Variants in ODR4 observed in about 807,000 individuals in gnomAD.
The protein encoded by ODR4 is protein odr-4 homolog.
In ODR4, 47 loss-of-function variants were observed where a neutral mutation model predicts 60.2. That is an observed-to-expected ratio of 0.78 (90% confidence interval 0.62 to 1.00). The LOEUF is 1.00. ODR4 is among the 50% of genes least tolerant of loss of function. ODR4 has a pLI of 0.00. For synonymous variants in ODR4, 178 were observed against 175.5 expected, an observed-to-expected ratio of 1.01 and a Z score of -0.11; for missense variants, 488 against 530.8, an observed-to-expected ratio of 0.92 and a Z score of 0.79.
chr1:186,411,533 A>G (rs1207263710), intron 12 of ODR4, among the ~76,000 whole-genome samples: 1 of 151,954 alleles, frequency 6.6e-6, no homozygotes, highest in East Asian at 1.9e-4. Context: ...GTTTTTATTT[A>G]TATATATAGT....
chr1:186,396,009 G>A (rs913903774), intron 9 of ODR4, among the ~76,000 whole-genome samples: 1 of 151,996 alleles, frequency 6.6e-6, no homozygotes, highest in Non-Finnish European at 1.5e-5. Context: ...TTAAAGCTCT[G>A]TATTTCCTGA....
At chr1:186,403,306 T>C (rs758113300) in intron 11 of ODR4, among the ~76,000 whole-genome samples, 6 of 152,038 alleles carry the variant, frequency 3.9e-5, no homozygotes, top group Non-Finnish European at 8.8e-5. Context: ...ATGAGGTATA[T>C]GAGATGTTTT....
intron 5 of ODR4, 98 bp from the exon 6 acceptor site, chr1:186,389,490 T>C: frequency 1.1e-6 from 1 of 892,648 alleles, no homozygotes; most frequent in Non-Finnish European, 1.7e-6. Flanking sequence ...GTAAGAACTT[T>C]TGGATGCGTG....
At chr1:186,403,725 T>A (rs2102067852) in intron 11 of ODR4, among the ~76,000 whole-genome samples, 1 of 152,294 alleles carries the variant, frequency 6.6e-6, no homozygotes, top group Admixed American at 6.5e-5. Flanking sequence ...TCCTCTTTGA[T>A]TCCTCTTAAG....
chr1:186,398,636 A>G (rs1374353692), intron 10 of ODR4, among the ~76,000 whole-genome samples, 195 bp downstream of exon 10: 1 of 152,186 alleles, frequency 6.6e-6, no homozygotes, highest in African/African-American at 2.4e-5. Flanking sequence ...GTGCCTTTTT[A>G]AAAATGATGG....
chr1:186,393,641 T>C (rs1660553576), intron 8 of ODR4, among the ~76,000 whole-genome samples: 1 of 152,226 alleles, frequency 6.6e-6, no homozygotes, highest in Admixed American at 6.5e-5. Flanking sequence ...GATACATAAG[T>C]GAATGATCCT....
chr1:186,381,757 C>A (rs1201557812), intron 2 of ODR4, among the ~76,000 whole-genome samples: 1 of 152,154 alleles, frequency 6.6e-6, no homozygotes, highest in African/African-American at 2.4e-5. Flanking sequence ...TCCTCTTAAG[C>A]TTGCCTGTTT....
chr1:186,423,443 C>CTTTTTTTTTTTT (rs34515188), downstream of ODR4, among the ~76,000 whole-genome samples: 2 of 44,738 alleles, frequency 4.5e-5, no homozygotes, highest in African/African-American at 1.5e-4. Context: ...ACTACTTGTG[C>CTTTTTTTTTTTT]TTTTTTTTTT....
downstream of ODR4, among the ~76,000 whole-genome samples, chr1:186,423,359 CTT>C (rs1205571557): frequency 4.8e-5 from 7 of 146,336 alleles, no homozygotes; most frequent in South Asian, 2.2e-4. Flanking sequence ...TATTAATAAA[CTT>C]TGACAAAACA....
chr1:186,422,624 T>TA (rs991446386), downstream of ODR4, among the ~76,000 whole-genome samples: 1 of 152,142 alleles, frequency 6.6e-6, no homozygotes, highest in African/African-American at 2.4e-5. Flanking sequence ...TAATTTTTTT[T>TA]AAATATTACA....
At chr1:186,428,116 T>C in the ODR4 span, among the ~76,000 whole-genome samples, 1 of 152,230 alleles carries the variant, frequency 6.6e-6, no homozygotes, top group Admixed American at 6.5e-5. Context: ...AGAGTCCGTC[T>C]GTCCTTTGAA....
At chr1:186,403,830 A>G (rs895080179) in intron 11 of ODR4, among the ~76,000 whole-genome samples, 1 of 152,158 alleles carries the variant, frequency 6.6e-6, no homozygotes, top group Admixed American at 6.5e-5. Context: ...AATGGAGGTC[A>G]TCAGTTATGA....
rs777164649 is a variant in ODR4, at chr1:186,382,990, ACT to A, written c.100-29_100-28del. 4,026 of 1,560,344 alleles carry A rather than the reference ACT, an allele frequency of 2.6e-3. 8 individuals are homozygous for A. Among genetic ancestry groups the A allele is most frequent in the Non-Finnish European group, 2.9e-3 (3,378 of 1,153,248 alleles). ...TAATTAGATTGAGGAATCAGATATC[ACT>A]CTAACAAGCTTTTTAATTTGTTGTT... On this transcript the variant is annotated intron_variant, in intron 2 of 13. Coordinates refer to ENST00000287859, the MANE Select transcript of ODR4 (RefSeq NM_017847.6).
chr1:186,402,496 C>T (rs1661021705), intron 11 of ODR4, among the ~76,000 whole-genome samples: 3 of 151,736 alleles, frequency 2.0e-5, no homozygotes, highest in Middle Eastern at 3.2e-3. Context: ...AACTCTTGGT[C>T]CTAAGTGATC....
Position 186,391,704 on chromosome 1 carries a change from T to TAA in ODR4, c.625_626insAA (p.Thr209LysfsTer8). The TAA allele has an allele frequency of 6.3e-7, 1 of 1,595,904 alleles. No individual in the cohort carries two copies. Among genetic ancestry groups the TAA allele is most frequent in the Non-Finnish European group, 8.6e-7 (1 of 1,169,116 alleles). On this transcript the variant is annotated frameshift_variant, in exon 8 of 14. Transcript: ENST00000287859. LOFTEE classifies it high-confidence loss of function. ...GTTGTGTTTCTGTTAAGAATGGACTTACACGCTGGGCCAAGGAAATAGAAA... is the reference window on the plus strand; with the variant it reads ...GTTGTGTTTCTGTTAAGAATGGACTTAAACACGCTGGGCCAAGGAAATAGAAA...
chr1:186,386,664 A>G (rs1205756595), intron 4 of ODR4, among the ~76,000 whole-genome samples: 1 of 152,194 alleles, frequency 6.6e-6, no homozygotes, highest in African/African-American at 2.4e-5. Context: ...GACTATTAGG[A>G]AACAAATTAT....
At chr1:186,416,214 AATT>A (rs1661559227) in intron 12 of ODR4, among the ~76,000 whole-genome samples, 1 of 152,132 alleles carries the variant, frequency 6.6e-6, no homozygotes, top group Admixed American at 6.5e-5. Flanking sequence ...AATTATTTGA[AATT>A]ATTAATTGCT....
rs60871724 is a variant in ODR4 at position 186,414,439 on chromosome 1, G to C, written c.1187-3105G>C. On this transcript the variant is annotated intron_variant, in intron 12 of 13. Coordinates refer to ENST00000287859, the MANE Select transcript of ODR4 (RefSeq NM_017847.6). ...GTAATAAATTTCCTATAGCAAACAG[G>C]TATAATTCATACCATCCATTATTTT... Among the ~76,000 whole-genome samples, 924 of 151,230 alleles carry C rather than the reference G, an allele frequency of 6.1e-3. 13 individuals carry two copies. Among genetic ancestry groups the C allele is most frequent in the African/African-American group, 0.022 (895 of 41,166 alleles).
At chr1:186,415,721 T>C (rs1377514408) in intron 12 of ODR4, among the ~76,000 whole-genome samples, 1 of 152,200 alleles carries the variant, frequency 6.6e-6, no homozygotes, top group Non-Finnish European at 1.5e-5. Flanking sequence ...AGAAAACTAT[T>C]AGCCTGTGTG....
Sources: allele counts gnomAD v4.1 joint callset (sites outside exome capture counted in the v4.1 genomes callset), GRCh38; gene constraint gnomAD v4.1.1; transcripts MANE v1.5; gene names NCBI Gene and HGNC (gene_info 2026-07-23, HGNC 2026-07-21).